The following RBFOX1 variants were observed in gnomAD, a reference collection of about 807,000 sequenced individuals.
RBFOX1 encodes RNA binding protein fox-1 homolog 1.
RBFOX1 carries 8 observed loss-of-function variants against 57.7 expected under a neutral mutation model. The ratio of observed to expected loss-of-function variants is 0.14; its 90% confidence interval spans 0.08 to 0.25. RBFOX1 has a LOEUF of 0.25. Ranked by LOEUF, RBFOX1 falls within the 10% of genes least tolerant of loss-of-function variation. RBFOX1 has a pLI of 1.00. For synonymous variants in RBFOX1, 326 were observed against 222.4 expected (o/e 1.47, Z -4.15); for missense variants, 611 against 548.5 (o/e 1.11, Z -1.14).
At chr16:6,859,989 TG>T (rs2058713905) in intron 3 of RBFOX1, among the ~76,000 whole-genome samples, 1 of 152,190 alleles carries the variant, frequency 6.6e-6, no homozygotes, top group African/African-American at 2.4e-5. Context: ...AATTGGTTTT[TG>T]CTCATTGACT....
At chr16:7,230,239 G>T (rs372393922) in intron 4 of RBFOX1, among the ~76,000 whole-genome samples, 1 of 152,080 alleles carries the variant, frequency 6.6e-6, no homozygotes, top group South Asian at 2.1e-4. Flanking sequence ...GGGAAATGAT[G>T]ACTAGTAAAA....
chr16:5,900,811 C>A (rs765975446), intron 4 of RBFOX1, among the ~76,000 whole-genome samples: 12 of 152,164 alleles, frequency 7.9e-5, no homozygotes, highest in East Asian at 1.9e-4. Flanking sequence ...TCACAACCAC[C>A]GTCAAGACAT....
At position 5,756,622 on chromosome 16, in the gene RBFOX1, A is replaced by G. The variant is rs187624941; in HGVS notation, c.319-110681A>G. Among the ~76,000 whole-genome samples, 121 of 152,322 alleles carry G rather than the reference A, an allele frequency of 7.9e-4. 1 individual carries two copies. Among genetic ancestry groups the G allele is most frequent in the African/African-American group, 2.7e-3 (112 of 41,578 alleles). ...ATCGTGGCTTAACTAATCTGGCACC[A>G]TTTATGCCTGCTGCCTGCCTTTCCA... On this transcript the variant is annotated intron_variant, in intron 3 of 19. Coordinates refer to the RBFOX1 transcript ENST00000641259.
At chr16:6,555,881 T>G (rs1181966220) in intron 2 of RBFOX1, among the ~76,000 whole-genome samples, 4 of 152,160 alleles carry the variant, frequency 2.6e-5, no homozygotes, top group Non-Finnish European at 5.9e-5. Context: ...ATTAGTCAAT[T>G]CTCATTAAAT....
At chr16:6,513,449 T>C (rs953159032) in intron 2 of RBFOX1, among the ~76,000 whole-genome samples, 3 of 152,208 alleles carry the variant, frequency 2.0e-5, no homozygotes, top group Middle Eastern at 3.4e-3. Flanking sequence ...TTGGAGACCA[T>C]GAGGCCGGGC....
At chr16:6,094,017 C>A (rs2096212670) in intron 1 of RBFOX1, among the ~76,000 whole-genome samples, 1 of 152,126 alleles carries the variant, frequency 6.6e-6, no homozygotes, top group African/African-American at 2.4e-5. Context: ...AATCTGTGTT[C>A]TGTGGAGGGT....
At chr16:5,783,969 A>C (rs2054410896) in intron 3 of RBFOX1, among the ~76,000 whole-genome samples, 1 of 152,206 alleles carries the variant, frequency 6.6e-6, no homozygotes, top group African/African-American at 2.4e-5. Flanking sequence ...ATATTCATCC[A>C]TTCTTACCTT....
At chr16:5,907,749 ATC>A (rs1337304692) in intron 4 of RBFOX1, among the ~76,000 whole-genome samples, 2 of 149,754 alleles carry the variant, frequency 1.3e-5, no homozygotes, top group Non-Finnish European at 2.9e-5. Flanking sequence ...CATCATCATC[ATC>A]ATCATCATCA....
intron 12 of RBFOX1, among the ~76,000 whole-genome samples, chr16:7,657,658 T>C (rs2066654599): frequency 6.6e-6 from 1 of 152,242 alleles, no homozygotes; most frequent in East Asian, 1.9e-4. Context: ...CTTGATATTT[T>C]CTGAAGCCCT....
chr16:5,402,461 C>G (rs888744712), intron 1 of RBFOX1, among the ~76,000 whole-genome samples: 3 of 152,192 alleles, frequency 2.0e-5, no homozygotes, highest in Non-Finnish European at 2.9e-5. Context: ...CTATTCTTCC[C>G]TGACATATGT....
intron 3 of RBFOX1, among the ~76,000 whole-genome samples, chr16:6,726,833 C>G (rs28444465): frequency 1.3e-5 from 2 of 151,954 alleles, no homozygotes; most frequent in Non-Finnish European, 2.9e-5. Context: ...TAAGGAACAC[C>G]AAGTTCTCTC....
At chr16:6,527,392 G>A (rs930387606) in intron 2 of RBFOX1, among the ~76,000 whole-genome samples, 12 of 151,910 alleles carry the variant, frequency 7.9e-5, no homozygotes, top group African/African-American at 2.4e-4. Context: ...TTCTGTACAG[G>A]CTACTTCGTC....
intron 1 of RBFOX1, among the ~76,000 whole-genome samples, chr16:6,124,106 T>C (rs2096571402): frequency 6.6e-6 from 1 of 152,214 alleles, no homozygotes; most frequent in South Asian, 2.1e-4. Flanking sequence ...GAACTCACCC[T>C]TCTGGGTGTT....
At chr16:7,155,712 A>AAAATATATATAT (rs1195367029) in intron 4 of RBFOX1, among the ~76,000 whole-genome samples, 1 of 77,408 alleles carries the variant, frequency 1.3e-5, no homozygotes, top group African/African-American at 6.7e-5. Context: ...AAAAAAAAAA[A>AAAATATATATAT]ATATATATAT....
chr16:7,189,540 A>T lies in RBFOX1; in HGVS notation c.27+137442A>T, dbSNP rs114484800. ...GAATACATTGCCCCCACTCCAAAAC[A>T]CTATGTCCCCCAAAACACACACACA... On this transcript the variant is annotated intron_variant, in intron 4 of 15. Transcript: ENST00000550418. Among the ~76,000 whole-genome samples the T allele has an allele frequency of 7.9e-3, 1,127 of 142,382 alleles. 14 individuals are homozygous for T. The highest frequency in any genetic ancestry group is 0.028 in the African/African-American group (1,066 of 37,440). The allele number at this position is 142,382 out of a possible 152,430, so 93.4% of individuals were successfully genotyped here. A position where few individuals can be genotyped will look rare whatever the true frequency, so the allele number is the denominator to read the frequency against.
chr16:7,275,241 A>G (rs2095418170), intron 4 of RBFOX1, among the ~76,000 whole-genome samples: 1 of 152,172 alleles, frequency 6.6e-6, no homozygotes, highest in South Asian at 2.1e-4. Flanking sequence ...CAAAAATAGC[A>G]TTGTGCCATT....
At chr16:5,953,188 C>T (rs752860129) in intron 4 of RBFOX1, among the ~76,000 whole-genome samples, 2 of 152,118 alleles carry the variant, frequency 1.3e-5, no homozygotes, top group Non-Finnish European at 2.9e-5. Flanking sequence ...ACCAAGTGCC[C>T]TGGGGCCATG....
chr16:6,928,892 G>T (rs534605338), intron 3 of RBFOX1, among the ~76,000 whole-genome samples: 1 of 152,050 alleles, frequency 6.6e-6, no homozygotes, highest in Non-Finnish European at 1.5e-5. Flanking sequence ...CTTAGAAATG[G>T]AGCCCAGTAG....
Position 6,019,984 on chromosome 16 carries a change from G to A in RBFOX1, c.-135G>A. ...ACGTGACCGCAGCCGGGCTCGCCGG[G>A]AGTTCTAGGTAAGTCCAGGCGGAGT... On this transcript the variant is annotated 5_prime_UTR_variant, in exon 1 of 16. Transcript: ENST00000550418. The surrounding 1 kb of genome is among the most constrained non-coding windows in gnomAD (Gnocchi z 4.2). 1 of 1,529,560 alleles carries A rather than the reference G, an allele frequency of 6.5e-7. No homozygotes were observed. Among genetic ancestry groups the A allele is most frequent in the Non-Finnish European group, 8.8e-7 (1 of 1,142,824 alleles). The allele number at this position is 1,529,560 out of a possible 1,614,324, so 94.7% of individuals were successfully genotyped here.
Sources: allele counts gnomAD v4.1 joint callset (sites outside exome capture counted in the v4.1 genomes callset), GRCh38; gene constraint gnomAD v4.1.1; non-coding constraint Gnocchi (gnomAD v3.1); transcripts MANE v1.5; gene names NCBI Gene and HGNC (gene_info 2026-07-23, HGNC 2026-07-21).